The following HS6ST3 variants were observed in gnomAD, a reference collection of about 807,000 sequenced individuals.
HS6ST3 encodes the protein heparan sulfate 6-O-sulfotransferase 3.
HS6ST3 carries 12 observed loss-of-function variants against 36.7 expected under a neutral mutation model. That is an observed-to-expected ratio of 0.33 (90% CI 0.21 to 0.53). The LOEUF (loss-of-function observed/expected upper bound fraction) is 0.53. Ranked by LOEUF, HS6ST3 falls within the 20% of genes least tolerant of loss-of-function variation. The probability of loss-of-function intolerance (pLI) is 0.95; values close to 1 mark genes in which losing one functional copy is unlikely to be tolerated. For missense variants in HS6ST3, 584 were observed against 640.9 expected (o/e 0.91, Z 0.96); for synonymous variants, 240 against 257.5 (o/e 0.93, Z 0.65).
intron 1 of HS6ST3, among the ~76,000 whole-genome samples, chr13:96,340,120 A>G (rs1196260704): frequency 6.6e-6 from 1 of 152,204 alleles, no homozygotes; most frequent in African/African-American, 2.4e-5. Context: ...TGTATTAGGT[A>G]TGTTGGAAAT....
chr13:96,506,327 A>G (rs1478929166), intron 1 of HS6ST3, among the ~76,000 whole-genome samples: 5 of 152,142 alleles, frequency 3.3e-5, no homozygotes, highest in Admixed American at 2.6e-4. Flanking sequence ...CATTTTACAG[A>G]TGAAAACATG....
intron 1 of HS6ST3, among the ~76,000 whole-genome samples, chr13:96,173,475 G>A (rs1006308003): frequency 3.9e-5 from 6 of 152,070 alleles, no homozygotes; most frequent in African/African-American, 1.4e-4. Flanking sequence ...CATCTATAAA[G>A]AGCTTGAGAG....
At chr13:96,098,512 G>C (rs1315765992) in intron 1 of HS6ST3, among the ~76,000 whole-genome samples, 1 of 151,844 alleles carries the variant, frequency 6.6e-6, no homozygotes, top group Admixed American at 6.6e-5. Context: ...GACCGTAATT[G>C]GGGTAATGTT....
chr13:96,334,582 C>G (rs779215235), intron 1 of HS6ST3, among the ~76,000 whole-genome samples: 8 of 152,182 alleles, frequency 5.3e-5, no homozygotes, highest in Non-Finnish European at 1.0e-4. Context: ...GGAGGCCCCA[C>G]AATGATGGTG....
At chr13:96,606,594 AGAGGGAGGGAGGGAGG>A (rs757536053) in intron 1 of HS6ST3, among the ~76,000 whole-genome samples, 8,476 of 74,462 alleles carry the variant, frequency 0.11, 549 homozygotes, top group East Asian at 0.38. Context: ...AGGGAGGGAC[AGAGGGAGGGAGGGAGG>A]GAGGGAGGGA....
At chr13:96,411,210 C>A (rs891788622) in intron 1 of HS6ST3, among the ~76,000 whole-genome samples, 1 of 152,168 alleles carries the variant, frequency 6.6e-6, no homozygotes, top group Non-Finnish European at 1.5e-5. Flanking sequence ...TAGCCACCCC[C>A]ACAGTCCCCC....
At chr13:96,291,367 G>A (rs1462402490) in intron 1 of HS6ST3, among the ~76,000 whole-genome samples, 1 of 152,166 alleles carries the variant, frequency 6.6e-6, no homozygotes, top group Non-Finnish European at 1.5e-5. Context: ...TGGTGGTTGT[G>A]TAGAAACAGA....
At chr13:96,747,656 C>G (rs888899166) in intron 1 of HS6ST3, among the ~76,000 whole-genome samples, 1 of 151,828 alleles carries the variant, frequency 6.6e-6, no homozygotes, top group Admixed American at 6.6e-5. Flanking sequence ...CATAATCTAG[C>G]TACTAATATA....
intron 1 of HS6ST3, among the ~76,000 whole-genome samples, chr13:96,137,464 C>T (rs549867674): frequency 3.6e-4 from 50 of 140,720 alleles, no homozygotes; most frequent in African/African-American, 1.3e-3. Flanking sequence ...GACAGAGTCT[C>T]GCTCTGTCAC....
intron 1 of HS6ST3, among the ~76,000 whole-genome samples, chr13:96,585,980 T>A (rs1480293363): frequency 6.6e-6 from 1 of 152,194 alleles, no homozygotes; most frequent in Non-Finnish European, 1.5e-5. Flanking sequence ...ATATGGTAAT[T>A]CCATTAAGTT....
intron 1 of HS6ST3, among the ~76,000 whole-genome samples, chr13:96,267,629 C>T (rs2054698752): frequency 6.6e-6 from 1 of 150,556 alleles, no homozygotes; most frequent in Non-Finnish European, 1.5e-5. Flanking sequence ...CAACTATTAG[C>T]TTACATCTTA....
intron 1 of HS6ST3, among the ~76,000 whole-genome samples, chr13:96,458,997 G>A (rs1198961194): frequency 1.3e-5 from 2 of 150,666 alleles, no homozygotes; most frequent in African/African-American, 4.9e-5. Context: ...CCAGCTACCT[G>A]GGAAGCTGAG....
intron 1 of HS6ST3, among the ~76,000 whole-genome samples, chr13:96,525,743 G>A (rs370773218): frequency 3.3e-5 from 5 of 152,170 alleles, no homozygotes; most frequent in East Asian, 3.8e-4. Context: ...AGGAATGAAC[G>A]TGATGAGAAT....
intron 1 of HS6ST3, among the ~76,000 whole-genome samples, chr13:96,553,491 C>A (rs2138950087): frequency 6.6e-6 from 1 of 152,250 alleles, no homozygotes; most frequent in East Asian, 1.9e-4. Flanking sequence ...TGGAAGGTTT[C>A]TTGGAGGAAC....
At chr13:96,335,683 A>G (rs1026196100) in intron 1 of HS6ST3, among the ~76,000 whole-genome samples, 3 of 152,168 alleles carry the variant, frequency 2.0e-5, no homozygotes, top group Non-Finnish European at 2.9e-5. Context: ...CCACCCACAG[A>G]GTGTAGTTTT....
intron 1 of HS6ST3, among the ~76,000 whole-genome samples, chr13:96,631,287 C>A (rs1255485732): frequency 2.6e-5 from 4 of 152,100 alleles, no homozygotes; most frequent in Non-Finnish European, 5.9e-5. Flanking sequence ...CCCCTTTGTG[C>A]CTTGATATTG....
intron 1 of HS6ST3, among the ~76,000 whole-genome samples, chr13:96,327,360 GGTGT>G (rs1396669180): frequency 6.6e-6 from 1 of 152,012 alleles, no homozygotes; most frequent in African/African-American, 2.4e-5. Context: ...TTTTGTATAA[GGTGT>G]AAGGAAGGGA....
intron 1 of HS6ST3, among the ~76,000 whole-genome samples, chr13:96,540,850 A>G (rs2056174756): frequency 6.6e-6 from 1 of 152,272 alleles, no homozygotes; most frequent in South Asian, 2.1e-4. Context: ...GGGAGCTGAC[A>G]GCTGGCAGCA....
intron 1 of HS6ST3, among the ~76,000 whole-genome samples, chr13:96,367,557 G>A (rs1163071510): frequency 6.6e-6 from 1 of 152,110 alleles, no homozygotes. Flanking sequence ...CTGCTTCTCA[G>A]TTTTTATTGG....
Sources: allele counts gnomAD v4.1 joint callset (sites outside exome capture counted in the v4.1 genomes callset), GRCh38; gene constraint gnomAD v4.1.1; transcripts MANE v1.5; gene names NCBI Gene and HGNC (gene_info 2026-07-23, HGNC 2026-07-21).